CSMD1: variants seen among roughly 807,000 people sequenced by gnomAD.
CSMD1 encodes the protein CUB and Sushi multiple domains 1.
Under a neutral mutation model 417.5 loss-of-function variants are expected in CSMD1, and 213 were observed. The observed-to-expected ratio is 0.51, with a 90% CI of 0.46 to 0.57. The LOEUF (loss-of-function observed/expected upper bound fraction) is 0.57, where lower values mean the gene tolerates loss of function less well. CSMD1 is among the 20% of genes least tolerant of loss of function. The pLI is 0.00. For synonymous variants in CSMD1, 2,862 were observed against 1,736.8 expected, an observed-to-expected ratio of 1.65 and a Z score of -16.11; for missense variants, 6,923 against 4,529.7, an observed-to-expected ratio of 1.53 and a Z score of -15.17.
intron 3 of CSMD1, among the ~76,000 whole-genome samples, chr8:4,297,218 G>A (rs923279659): frequency 6.6e-6 from 1 of 151,934 alleles, no homozygotes; most frequent in Admixed American, 6.6e-5. Flanking sequence ...TGGAGAAACT[G>A]GGGACCAAAC....
intron 3 of CSMD1, among the ~76,000 whole-genome samples, chr8:4,345,213 A>T (rs1319495609): frequency 6.6e-6 from 1 of 152,154 alleles, no homozygotes; most frequent in Non-Finnish European, 1.5e-5. Flanking sequence ...ACGCTAACAT[A>T]TATTAGCAGC....
At chr8:4,847,933 C>G (rs1249125214) in intron 1 of CSMD1, among the ~76,000 whole-genome samples, 2 of 152,128 alleles carry the variant, frequency 1.3e-5, no homozygotes, top group African/African-American at 4.8e-5. Flanking sequence ...AAACCCTGTA[C>G]CCTTTAGCAA....
At chr8:4,189,332 T>G (rs578047573) in intron 3 of CSMD1, among the ~76,000 whole-genome samples, 1 of 152,326 alleles carries the variant, frequency 6.6e-6, no homozygotes, top group Non-Finnish European at 1.5e-5. Context: ...TGGTGCCAAC[T>G]GTGTTTATTA....
At chr8:4,741,734 T>A (rs1810618193) in intron 1 of CSMD1, among the ~76,000 whole-genome samples, 1 of 152,134 alleles carries the variant, frequency 6.6e-6, no homozygotes, top group Non-Finnish European at 1.5e-5. Flanking sequence ...CATAGTAGCT[T>A]GTTAGAAGTG....
intron 5 of CSMD1, among the ~76,000 whole-genome samples, chr8:3,922,843 G>A (rs1809370730): frequency 6.6e-6 from 1 of 151,964 alleles, no homozygotes; most frequent in South Asian, 2.1e-4. Flanking sequence ...TGTACAACAT[G>A]GCCTTCAGAT....
At chr8:3,626,542 A>C (rs1267155935) in intron 7 of CSMD1, among the ~76,000 whole-genome samples, 1 of 151,846 alleles carries the variant, frequency 6.6e-6, no homozygotes, top group Non-Finnish European at 1.5e-5. Flanking sequence ...TTTATGTAAA[A>C]TATAATAATT....
chr8:4,671,271 C>A (rs1805308015), intron 1 of CSMD1, among the ~76,000 whole-genome samples: 1 of 152,102 alleles, frequency 6.6e-6, no homozygotes, highest in Non-Finnish European at 1.5e-5. Context: ...ACTATTAGGG[C>A]AGGTTACTGA....
At chr8:4,440,759 G>A (rs1416648964) in intron 2 of CSMD1, among the ~76,000 whole-genome samples, 1 of 152,066 alleles carries the variant, frequency 6.6e-6, no homozygotes, top group African/African-American at 2.4e-5. Context: ...ATTTTGGGAG[G>A]CCAGTGCGAG....
intron 26 of CSMD1, among the ~76,000 whole-genome samples, chr8:3,262,190 T>A (rs1423970539): frequency 0.017 from 805 of 46,248 alleles, 21 homozygotes; most frequent in South Asian, 0.023. Flanking sequence ...TATGAATATA[T>A]ATATATATAT....
At chr8:3,827,697 T>C (rs1039357928) in intron 5 of CSMD1, among the ~76,000 whole-genome samples, 1 of 152,240 alleles carries the variant, frequency 6.6e-6, no homozygotes, top group Non-Finnish European at 1.5e-5. Flanking sequence ...GACTTCATTG[T>C]GAGTTTTGTC....
intron 26 of CSMD1, among the ~76,000 whole-genome samples, chr8:3,244,890 C>A (rs956472587): frequency 1.3e-5 from 2 of 150,500 alleles, no homozygotes; most frequent in Non-Finnish European, 2.9e-5. Flanking sequence ...ACTCTCAGCC[C>A]AGTCCTCCAC....
chr8:3,029,292 T>C, intron 51 of CSMD1, 27 bp downstream of exon 51: 1 of 1,573,702 alleles, frequency 6.4e-7, no homozygotes. Context: ...TGCCGTGACT[T>C]TCAGGGGTGC....
At chr8:3,843,714 A>T (rs898033005) in intron 5 of CSMD1, among the ~76,000 whole-genome samples, 4 of 152,184 alleles carry the variant, frequency 2.6e-5, no homozygotes, top group African/African-American at 7.2e-5. Flanking sequence ...ACCTAGTTTG[A>T]GCACTGAAAG....
intron 1 of CSMD1, among the ~76,000 whole-genome samples, chr8:4,746,807 G>C (rs1810984578): frequency 6.6e-6 from 1 of 152,166 alleles, no homozygotes; most frequent in African/African-American, 2.4e-5. Flanking sequence ...AGATAACTGT[G>C]TGGGTTCTCT....
chr8:4,369,817 T>G (rs111394084), intron 3 of CSMD1, among the ~76,000 whole-genome samples: 13 of 152,336 alleles, frequency 8.5e-5, no homozygotes, highest in African/African-American at 2.9e-4. Flanking sequence ...ACTTCGAGAC[T>G]ATGGGTGTTG....
intron 3 of CSMD1, among the ~76,000 whole-genome samples, chr8:4,218,089 A>T (rs1001401410): frequency 6.6e-6 from 1 of 152,126 alleles, no homozygotes; most frequent in Non-Finnish European, 1.5e-5. Context: ...AATTTTTTGA[A>T]TTTTTGCAAT....
intron 55 of CSMD1, among the ~76,000 whole-genome samples, chr8:2,976,149 T>C (rs533585796): frequency 2.0e-5 from 3 of 152,244 alleles, no homozygotes; most frequent in African/African-American, 7.2e-5. Context: ...CAGGAATTAA[T>C]TGAATTGTTG....
rs869046913 is a variant in CSMD1 at position 4,236,035 on chromosome 8, G to GTTTT, written c.415+183917_415+183918insAAAA. ...GAGGTTAATGGATATTGTTTTTTTT[G>GTTTT]TTTGTTTTTTTTTTTTTTTTTTTTT... On this transcript the variant is annotated intron_variant, in intron 3 of 69. Transcript: ENST00000635120. Among the ~76,000 whole-genome samples, 300 of 112,574 alleles carry GTTTT rather than the reference G, an allele frequency of 2.7e-3. 2 individuals are homozygous for GTTTT. The highest frequency in any genetic ancestry group is 0.011 in the African/African-American group (278 of 25,690). 73.9% of individuals were successfully genotyped at this position (112,574 alleles called of 152,430 possible).
At chr8:4,241,260 G>A (rs149324119) in intron 3 of CSMD1, among the ~76,000 whole-genome samples, 3 of 152,102 alleles carry the variant, frequency 2.0e-5, no homozygotes, top group Non-Finnish European at 4.4e-5. Context: ...ACACCACAGG[G>A]CCCTAAATAA....
Sources: allele counts gnomAD v4.1 joint callset (sites outside exome capture counted in the v4.1 genomes callset), GRCh38; gene constraint gnomAD v4.1.1; transcripts MANE v1.5; gene names NCBI Gene and HGNC (gene_info 2026-07-23, HGNC 2026-07-21).